TTC7B: variants seen among roughly 807,000 people sequenced by gnomAD.
TTC7B encodes the protein tetratricopeptide repeat domain 7B.
TTC7B carries 28 observed loss-of-function variants against 106.8 expected under a neutral mutation model. The observed-to-expected ratio is 0.26, with a 90% CI of 0.19 to 0.36. The LOEUF (loss-of-function observed/expected upper bound fraction) is 0.36. TTC7B is among the 10% of genes least tolerant of loss of function. TTC7B has a pLI of 1.00. For missense variants in TTC7B, 862 were observed against 1,076.4 expected (o/e 0.80, Z 2.79); for synonymous variants, 405 against 430.6 (o/e 0.94, Z 0.74).
intron 5 of TTC7B, among the ~76,000 whole-genome samples, chr14:90,719,853 A>G (rs1375201406): frequency 6.6e-6 from 1 of 152,204 alleles, no homozygotes; most frequent in Non-Finnish European, 1.5e-5. Context: ...GGAGTAAAAT[A>G]AAGCAGAGAA....
In TTC7B at chr14:90,624,125, T is replaced by A. The variant is rs1884336687; in HGVS notation, c.1752-6080A>T. On this transcript the variant is annotated intron_variant, in intron 15 of 19. Transcript: ENST00000328459. The surrounding 1 kb of genome is among the most constrained non-coding windows in gnomAD (Gnocchi z 4.0). ...ATGTGTGTGTGCGCGTGCGCGTGTG[T>A]GTGTTTTGTGACTTGTCTTTCATCT... 6.6e-6 allele frequency among the ~76,000 whole-genome samples: 1 copy of A among 152,250 alleles called. No individual in the cohort carries two copies. Among genetic ancestry groups the A allele is most frequent in the South Asian group, 2.1e-4 (1 of 4,834 alleles).
chr14:90,688,613 C>A (rs1266853529), intron 7 of TTC7B, among the ~76,000 whole-genome samples: 3 of 104,996 alleles, frequency 2.9e-5, no homozygotes, highest in African/African-American at 1.2e-4. Context: ...CAGAGAGAGG[C>A]TCTGTCTCAA....
At chr14:90,622,116 ATTT>A (rs34021447) in intron 15 of TTC7B, among the ~76,000 whole-genome samples, 18 of 134,998 alleles carry the variant, frequency 1.3e-4, no homozygotes, top group Admixed American at 2.2e-4. Context: ...CATGATTCTA[ATTT>A]TTTTTTTTTT....
In TTC7B at chr14:90,615,679, G is replaced by A. The variant is rs1448512350; in HGVS notation, c.1868+2250C>T. ...CCTTCAGGCTTTATGCTGTTGCCAGGGTCACCTCTTACCGAGCAGGCTGGC... is the reference window on the plus strand; with the variant it reads ...CCTTCAGGCTTTATGCTGTTGCCAGAGTCACCTCTTACCGAGCAGGCTGGC... On this transcript the variant is annotated intron_variant, in intron 16 of 19. Transcript: ENST00000328459. Among the ~76,000 whole-genome samples, 6 of 152,230 alleles carry A rather than the reference G, an allele frequency of 3.9e-5. No individual in the cohort carries two copies. In the South Asian group the frequency reaches 1.2e-3, roughly 32 times the overall value.
chr14:90,718,297 C>T (rs1203828103), intron 5 of TTC7B, among the ~76,000 whole-genome samples: 1 of 152,210 alleles, frequency 6.6e-6, no homozygotes, highest in Non-Finnish European at 1.5e-5. Context: ...GGAAGGAGGC[C>T]TACAAGACCA....
intron 5 of TTC7B, among the ~76,000 whole-genome samples, chr14:90,720,023 C>A (rs1468782386): frequency 7.1e-6 from 1 of 141,322 alleles, no homozygotes; most frequent in African/African-American, 2.7e-5. Flanking sequence ...TATGCACAGA[C>A]CTTTTTTTTT....
intron 4 of TTC7B, among the ~76,000 whole-genome samples, chr14:90,731,823 T>C (rs1432335322): frequency 3.9e-5 from 6 of 152,218 alleles, no homozygotes; most frequent in Admixed American, 2.6e-4. Flanking sequence ...CCCAAGTTTA[T>C]AGCTGTAGTC....
At chr14:90,769,756 G>A (rs1369381878) in intron 3 of TTC7B, among the ~76,000 whole-genome samples, 3 of 152,052 alleles carry the variant, frequency 2.0e-5, no homozygotes, top group Admixed American at 6.6e-5. Context: ...ATGACACAGC[G>A]AGACTCTGTC....
chr14:90,634,283 TA>T (rs903822745), intron 15 of TTC7B, among the ~76,000 whole-genome samples: 10 of 152,074 alleles, frequency 6.6e-5, no homozygotes, highest in African/African-American at 1.5e-4. Flanking sequence ...TTCAGGGGTT[TA>T]AAAAATAATT....
chr14:90,716,391 T>G (rs1471312025), intron 5 of TTC7B, among the ~76,000 whole-genome samples: 1 of 152,174 alleles, frequency 6.6e-6, no homozygotes, highest in African/African-American at 2.4e-5. Context: ...TAAAACTGGA[T>G]TTTACATGGA....
intron 3 of TTC7B, among the ~76,000 whole-genome samples, chr14:90,752,316 G>A (rs1157400932): frequency 2.6e-5 from 4 of 152,006 alleles, no homozygotes; most frequent in Non-Finnish European, 2.9e-5. Context: ...CCAAGAGTTC[G>A]AGACCAGCCT....
chr14:90,747,357 T>G (rs1354873228), intron 3 of TTC7B, among the ~76,000 whole-genome samples: 1 of 152,220 alleles, frequency 6.6e-6, no homozygotes, highest in African/African-American at 2.4e-5. Context: ...CCTATGTGCC[T>G]TTTTGCTTTT....
chr14:90,682,032 T>C (rs899846163), intron 7 of TTC7B, among the ~76,000 whole-genome samples: 3 of 152,168 alleles, frequency 2.0e-5, no homozygotes, highest in Admixed American at 6.5e-5. Flanking sequence ...CACACACCCA[T>C]ATGTGCACAC....
intron 1 of TTC7B, among the ~76,000 whole-genome samples, chr14:90,786,603 G>C (rs1891398474): frequency 6.6e-6 from 1 of 151,786 alleles, no homozygotes; most frequent in Admixed American, 6.6e-5. Context: ...TTTTGAGATG[G>C]AGTTTCGCTC....
chr14:90,653,574 G>A (rs17126942), intron 12 of TTC7B, among the ~76,000 whole-genome samples: 1,573 of 152,276 alleles, frequency 0.01, 27 homozygotes, highest in African/African-American at 0.036. Context: ...ACCTGGCTAG[G>A]AATGAAAAAG....
At position 90,679,754 on chromosome 14, in the gene TTC7B, A is replaced by G. The variant is rs551598301; in HGVS notation, c.1014+718T>C. On this transcript the variant is annotated intron_variant, in intron 8 of 19. Transcript: ENST00000328459. ...CTACACACATGATCCTGAAGGTTTT[A>G]AGCCAGGGCCACAGCGCCTAGTGAT... 1.3e-4 allele frequency among the ~76,000 whole-genome samples: 20 copies of G among 152,362 alleles called. No homozygotes were observed. In the South Asian group the frequency reaches 4.1e-3, roughly 32 times the overall value.
chr14:90,702,526 GT>G (rs201147766), intron 5 of TTC7B, among the ~76,000 whole-genome samples: 154 of 150,528 alleles, frequency 1.0e-3, no homozygotes, highest in African/African-American at 3.6e-3. Flanking sequence ...CTCTATCATT[GT>G]TTTAAAAAAA....
At chr14:90,559,495 C>G (rs1890475712) in intron 19 of TTC7B, among the ~76,000 whole-genome samples, 1 of 152,192 alleles carries the variant, frequency 6.6e-6, no homozygotes, top group Non-Finnish European at 1.5e-5. Context: ...ATCTGGGCAC[C>G]CCTTGGCTCT....
rs145427865 is a variant in TTC7B, at chr14:90,529,241, G to C, written c.*12127C>G. On this transcript the variant is annotated 3_prime_UTR_variant, in exon 20 of 20. Transcript: ENST00000328459. ...GGATCTGACTGCATTTTGCATTCATGGGGGCACCGTCTGGCAAGGTGAGCT... is the reference window on the plus strand; with the variant it reads ...GGATCTGACTGCATTTTGCATTCATCGGGGCACCGTCTGGCAAGGTGAGCT... The C allele has an allele frequency of 1.3e-5, 2 of 153,056 alleles. No individual in the cohort carries two copies. The highest frequency in any genetic ancestry group is 3.8e-4 in the East Asian group (2 of 5,210). 9.5% of individuals were successfully genotyped at this position (153,056 alleles called of 1,614,324 possible).
Sources: allele counts gnomAD v4.1 joint callset (sites outside exome capture counted in the v4.1 genomes callset), GRCh38; gene constraint gnomAD v4.1.1; non-coding constraint Gnocchi (gnomAD v3.1); transcripts MANE v1.5; gene names NCBI Gene and HGNC (gene_info 2026-07-23, HGNC 2026-07-21).